Variants in CCDC3 observed in about 807,000 individuals in gnomAD.
CCDC3 encodes coiled-coil domain containing 3, also known as coiled-coil domain-containing protein 3.
CCDC3 carries 24 observed loss-of-function variants against 21.4 expected under a neutral mutation model. The ratio of observed to expected loss-of-function variants is 1.12; its 90% CI spans 0.81 to 1.58. The LOEUF (loss-of-function observed/expected upper bound fraction) is 1.58, where lower values mean the gene tolerates loss of function less well. CCDC3 is among the 40% of genes most tolerant of loss of function. The pLI is 0.00. For missense variants in CCDC3, 425 were observed against 360.9 expected (o/e 1.18, Z -1.44); for synonymous variants, 186 against 166.0 (o/e 1.12, Z -0.93).
In CCDC3 at chr10:12,898,271, T is replaced by C. The variant is rs1192729352; in HGVS notation, c.*145A>G. ...CAGCACCCAAGGGGAAAGCAAGCCT[T>C]GCATTTTATCCATTTAGACTCTACC... On this transcript the variant is annotated 3_prime_UTR_variant, in exon 3 of 3. Transcript: ENST00000378825. 4.6e-5 allele frequency: 44 copies of C among 950,440 alleles called. No homozygotes were observed. The East Asian group carries it at 1.1e-3, about 25-fold the overall frequency. The allele number at this position is 950,440 out of a possible 1,614,324, so 58.9% of individuals were successfully genotyped here. A position where few individuals can be genotyped will look rare whatever the true frequency, so the allele number is the denominator to read the frequency against.
In CCDC3 at chr10:13,023,280, A is replaced by G. The variant is rs572969840; in HGVS notation, c.-1-24768T>C. On this transcript the variant is annotated intron_variant, in intron 5 of 6. Coordinates refer to the CCDC3 transcript ENST00000378839. ...ACAATAACAATGTAACGTTGCTCAC[A>G]ATTCTGTTGGTTGATTAGGTAGTTT... Among the ~76,000 whole-genome samples the G allele has an allele frequency of 3.3e-4, 50 of 152,240 alleles. 1 individual carries two copies. The highest frequency in any genetic ancestry group is 1.2e-3 in the African/African-American group (50 of 41,532).
intron 2 of CCDC3, among the ~76,000 whole-genome samples, chr10:12,970,635 T>C (rs1375050381): frequency 1.3e-5 from 2 of 152,176 alleles, no homozygotes; most frequent in African/African-American, 4.8e-5. Context: ...TCCCAGCACT[T>C]TGGGAGGCCG....
At chr10:13,017,158 A>T (rs1184163410) in intron 5 of CCDC3, among the ~76,000 whole-genome samples, 1 of 152,176 alleles carries the variant, frequency 6.6e-6, no homozygotes, top group East Asian at 1.9e-4. Flanking sequence ...CCTTTTTCAC[A>T]GTAGGCAAAG....
intron 5 of CCDC3, among the ~76,000 whole-genome samples, chr10:13,041,336 CTA>C (rs1240608084): frequency 2.0e-5 from 3 of 151,932 alleles, no homozygotes; most frequent in Non-Finnish European, 4.4e-5. Flanking sequence ...TCTGGTATAA[CTA>C]TACAGACTAA....
chr10:12,994,044 A>G (rs1034038296), intron 2 of CCDC3, among the ~76,000 whole-genome samples: 9 of 152,324 alleles, frequency 5.9e-5, no homozygotes, highest in Middle Eastern at 6.8e-3. Flanking sequence ...TGTGCCCTTC[A>G]TATCTACAGT....
chr10:13,052,023 C>A (rs991058822), intron 4 of CCDC3, among the ~76,000 whole-genome samples: 5 of 152,052 alleles, frequency 3.3e-5, no homozygotes, highest in Admixed American at 1.3e-4. Context: ...GATAGGAGGG[C>A]CCCTTTTATG....
intron 3 of CCDC3, among the ~76,000 whole-genome samples, chr10:13,079,549 C>T (rs1248263781): frequency 1.3e-5 from 2 of 151,426 alleles, no homozygotes; most frequent in Non-Finnish European, 2.9e-5. Flanking sequence ...TAAAGCATTC[C>T]TTAGGTCAGG....
At chr10:12,908,378 A>G (rs1160468731) in intron 2 of CCDC3, among the ~76,000 whole-genome samples, 2 of 150,732 alleles carry the variant, frequency 1.3e-5, no homozygotes, top group Non-Finnish European at 1.5e-5. Context: ...GAGATCTCCA[A>G]CATGCAGCAA....
chr10:12,923,507 C>T (rs772899655), intron 2 of CCDC3, among the ~76,000 whole-genome samples: 5 of 151,790 alleles, frequency 3.3e-5, no homozygotes, highest in Non-Finnish European at 7.4e-5. Context: ...CCTGGGTCCC[C>T]TGACTGCCTG....
rs185002511 is a variant in CCDC3 at position 13,060,248 on chromosome 10, C to A, written c.-269-10307G>T. On this transcript the variant is annotated intron_variant, in intron 4 of 6. Transcript: ENST00000378839. ...AACTCAACCCCATGGAAGACGTGAC[C>A]TTGCTGTGCGTGTCTGGGAATTCGT... Among the ~76,000 whole-genome samples, 5 of 152,252 alleles carry A rather than the reference C, an allele frequency of 3.3e-5. No individual in the cohort carries two copies. In the East Asian group the frequency reaches 9.7e-4, roughly 29 times the overall value.
intron 1 of CCDC3, among the ~76,000 whole-genome samples, chr10:12,999,341 T>G (rs911690830): frequency 6.6e-6 from 1 of 152,212 alleles, no homozygotes. Flanking sequence ...TGGTACAAAG[T>G]AAATGCAGTA....
At chr10:13,029,742 T>C (rs577294012) in intron 5 of CCDC3, among the ~76,000 whole-genome samples, 6 of 152,084 alleles carry the variant, frequency 3.9e-5, no homozygotes, top group African/African-American at 1.4e-4. Flanking sequence ...AGGGTATCAG[T>C]GATTGAAGAT....
intron 5 of CCDC3, among the ~76,000 whole-genome samples, chr10:13,018,313 C>G (rs1479357850): frequency 6.6e-6 from 1 of 152,014 alleles, no homozygotes; most frequent in Non-Finnish European, 1.5e-5. Flanking sequence ...AGGGAAGACT[C>G]ACAGCTGGGC....
intron 2 of CCDC3, among the ~76,000 whole-genome samples, chr10:12,935,268 G>T (rs1208367023): frequency 5.3e-5 from 8 of 152,078 alleles, no homozygotes; most frequent in African/African-American, 1.9e-4. Flanking sequence ...ACCCAGGCTG[G>T]AGTGCAGTGG....
chr10:12,951,750 AG>A (rs1278030447), intron 2 of CCDC3, among the ~76,000 whole-genome samples: 1 of 141,706 alleles, frequency 7.1e-6, no homozygotes, highest in Non-Finnish European at 1.5e-5. Context: ...GGTTGCAGTA[AG>A]CTGAGACTGA....
intron 3 of CCDC3, among the ~76,000 whole-genome samples, chr10:13,078,213 A>T (rs559329293): frequency 1.3e-5 from 2 of 152,216 alleles, no homozygotes; most frequent in African/African-American, 4.8e-5. Context: ...ATGAACAGAC[A>T]CTTCTCAAAA....
intron 4 of CCDC3, among the ~76,000 whole-genome samples, chr10:13,059,207 G>C (rs1836721010): frequency 6.6e-6 from 1 of 152,138 alleles, no homozygotes; most frequent in Non-Finnish European, 1.5e-5. Context: ...TCCTGTCCGG[G>C]TGACGCCAAG....
intron 2 of CCDC3, among the ~76,000 whole-genome samples, chr10:12,928,521 C>A (rs756601443): frequency 4.6e-5 from 7 of 152,174 alleles, no homozygotes; most frequent in Non-Finnish European, 1.0e-4. Context: ...ATTCTCTTGG[C>A]AGGGCTGCAC....
chr10:13,019,678 T>C (rs1218496664), intron 5 of CCDC3, among the ~76,000 whole-genome samples: 1 of 152,222 alleles, frequency 6.6e-6, no homozygotes, highest in Non-Finnish European at 1.5e-5. Context: ...TTTAAAAATA[T>C]GTTTTTCAAG....
Sources: allele counts gnomAD v4.1 joint callset (sites outside exome capture counted in the v4.1 genomes callset), GRCh38; gene constraint gnomAD v4.1.1; transcripts MANE v1.5; gene names NCBI Gene and HGNC (gene_info 2026-07-23, HGNC 2026-07-21).